The following MGAT4C variants were observed in gnomAD, a reference collection of about 807,000 sequenced individuals.
The protein encoded by MGAT4C is MGAT4 family member C.
Under a neutral mutation model 40.1 loss-of-function variants are expected in MGAT4C, and 19 were observed. That is an observed-to-expected ratio of 0.47 (90% CI 0.33 to 0.70). MGAT4C has a LOEUF of 0.70. Among genes scored for constraint, MGAT4C ranks in the 30% least tolerant of loss-of-function variants. The pLI is 0.02. For missense variants in MGAT4C, 491 were observed against 563.2 expected (o/e 0.87, Z 1.30); for synonymous variants, 181 against 187.1 (o/e 0.97, Z 0.27).
intron 1 of MGAT4C, among the ~76,000 whole-genome samples, chr12:86,073,542 G>A (rs1869031153): frequency 6.6e-6 from 1 of 152,170 alleles, no homozygotes; most frequent in South Asian, 2.1e-4. Context: ...TGAACAAAAT[G>A]CTTATAGTGA....
At chr12:86,770,014 A>G (rs1379849385) in intron 1 of MGAT4C, among the ~76,000 whole-genome samples, 1 of 151,748 alleles carries the variant, frequency 6.6e-6, no homozygotes, top group Non-Finnish European at 1.5e-5. Context: ...AAGTATAATA[A>G]TAATAAAATA....
At chr12:86,641,561 TA>T (rs1963388572) in intron 2 of MGAT4C, among the ~76,000 whole-genome samples, 1 of 151,624 alleles carries the variant, frequency 6.6e-6, no homozygotes, top group South Asian at 2.1e-4. Flanking sequence ...AAAAGAATTC[TA>T]AGGAGAGGTA....
chr12:86,377,856 A>C (rs1955859619), intron 3 of MGAT4C, among the ~76,000 whole-genome samples: 1 of 151,768 alleles, frequency 6.6e-6, no homozygotes, highest in South Asian at 2.1e-4. Context: ...GTAACTCTCC[A>C]TTCTCCCCTT....
chr12:86,078,672 C>G (rs994722096), intron 1 of MGAT4C, among the ~76,000 whole-genome samples: 19 of 152,110 alleles, frequency 1.2e-4, no homozygotes, highest in African/African-American at 4.6e-4. Flanking sequence ...GCCAGGTCAG[C>G]CTTGGTGAGT....
At chr12:86,499,809 A>C (rs1389923958) in intron 2 of MGAT4C, among the ~76,000 whole-genome samples, 1 of 152,012 alleles carries the variant, frequency 6.6e-6, no homozygotes, top group Non-Finnish European at 1.5e-5. Flanking sequence ...GAACAACTAG[A>C]GAAGAGAAAT....
chr12:86,348,836 C>A (rs1052053123), intron 3 of MGAT4C, among the ~76,000 whole-genome samples: 8 of 151,988 alleles, frequency 5.3e-5, no homozygotes, highest in Non-Finnish European at 5.9e-5. Flanking sequence ...TACTTGGAAA[C>A]TTTTAAAAAT....
chr12:85,969,516 G>A lies in MGAT4C; in HGVS notation c.*9773C>T, dbSNP rs1026818991. On this transcript the variant is annotated 3_prime_UTR_variant, in exon 5 of 5. Transcript: ENST00000611864. ...TTCTTTTTGGAATAACAGAAATTAGGTTGTGGTTCAGTGGAATTACAGAAG... is the reference window on the plus strand; with the variant it reads ...TTCTTTTTGGAATAACAGAAATTAGATTGTGGTTCAGTGGAATTACAGAAG... The A allele has an allele frequency of 6.6e-6, 1 of 151,518 alleles. No homozygotes were observed. Among genetic ancestry groups the A allele is most frequent in the African/African-American group, 2.4e-5 (1 of 41,356 alleles). 9.4% of individuals were successfully genotyped at this position (151,518 alleles called of 1,614,324 possible).
intron 2 of MGAT4C, among the ~76,000 whole-genome samples, chr12:86,021,690 TA>T: frequency 6.6e-6 from 1 of 152,100 alleles, no homozygotes; most frequent in East Asian, 1.9e-4. Flanking sequence ...TATACATATG[TA>T]ACAAACCTGC....
At chr12:86,400,108 C>T (rs1051984514) in intron 3 of MGAT4C, among the ~76,000 whole-genome samples, 5 of 152,156 alleles carry the variant, frequency 3.3e-5, no homozygotes, top group African/African-American at 9.7e-5. Context: ...GGAGGACACC[C>T]AGCTGGTATC....
intron 2 of MGAT4C, among the ~76,000 whole-genome samples, chr12:86,637,402 A>C (rs981002224): frequency 5.3e-5 from 8 of 151,944 alleles, no homozygotes. Flanking sequence ...CAATTAATGT[A>C]ACAAAATTCT....
rs987198305 is a variant in MGAT4C at position 86,412,180 on chromosome 12, G to T, written c.-120+22977C>A. On this transcript the variant is annotated intron_variant, in intron 3 of 7. Coordinates refer to the MGAT4C transcript ENST00000548651. ...AGGGCAGTGCAGAGGGAAAACGTGG[G>T]GTTGGAGGCCCCCCACAGATTCCCC... 3.9e-5 allele frequency among the ~76,000 whole-genome samples: 6 copies of T among 152,340 alleles called. No individual in the cohort carries two copies. The South Asian group carries it at 8.3e-4, about 21-fold the overall frequency.
chr12:86,362,973 C>T lies in MGAT4C; in HGVS notation c.-119-28846G>A, dbSNP rs943215722. Reference sequence around the variant, plus strand: ...TGACAAAGGCAAACAATATAAAGACCAAAGGGTCAATTCATTAAGAAGTAA... The same window carrying T: ...TGACAAAGGCAAACAATATAAAGACTAAAGGGTCAATTCATTAAGAAGTAA... On this transcript the variant is annotated intron_variant, in intron 3 of 7. Transcript: ENST00000548651. Among the ~76,000 whole-genome samples, 99 of 150,938 alleles carry T rather than the reference C, an allele frequency of 6.6e-4. 1 individual carries two copies. The highest frequency in any genetic ancestry group is 2.1e-3 in the African/African-American group (85 of 41,032).
At chr12:86,186,803 A>G (rs1027114071) in intron 1 of MGAT4C, among the ~76,000 whole-genome samples, 15 of 152,272 alleles carry the variant, frequency 9.9e-5, no homozygotes, top group African/African-American at 3.4e-4. Context: ...GACCAGTTAC[A>G]TCTAACTGAA....
intron 2 of MGAT4C, among the ~76,000 whole-genome samples, chr12:86,582,311 C>A: frequency 6.6e-6 from 1 of 151,056 alleles, no homozygotes; most frequent in Admixed American, 6.6e-5. Context: ...TGATGAGTAC[C>A]TCCTTTTAAT....
intron 3 of MGAT4C, among the ~76,000 whole-genome samples, chr12:86,412,899 G>T (rs1236269859): frequency 1.3e-5 from 2 of 152,144 alleles, no homozygotes; most frequent in East Asian, 3.9e-4. Flanking sequence ...CCTCCTTGAG[G>T]TTCTCACGAT....
At chr12:86,114,597 A>T (rs994343614) in intron 1 of MGAT4C, among the ~76,000 whole-genome samples, 1 of 151,888 alleles carries the variant, frequency 6.6e-6, no homozygotes, top group African/African-American at 2.4e-5. Context: ...AAATGCTTCA[A>T]TGTATACCAT....
chr12:86,775,098 A>T (rs995534981), intron 1 of MGAT4C, among the ~76,000 whole-genome samples: 21 of 152,208 alleles, frequency 1.4e-4, no homozygotes, highest in African/African-American at 5.1e-4. Context: ...ATTTAGTAAA[A>T]AGAGCCATGA....
At position 85,956,056 on chromosome 12, in the gene MGAT4C, A is replaced by G. The variant is rs1882776800; in HGVS notation, c.*23233T>C. ...TTGGTTTACAGGAAGTCTGATTTTT[A>G]CAAAACTAGATTAATGAAAAATCAC... On this transcript the variant is annotated 3_prime_UTR_variant, in exon 5 of 5. Transcript: ENST00000611864. 6.6e-6 allele frequency: 1 copy of G among 152,198 alleles called. No individual in the cohort carries two copies. Among genetic ancestry groups the G allele is most frequent in the South Asian group, 2.1e-4 (1 of 4,830 alleles). The allele number at this position is 152,198 out of a possible 1,614,324, so 9.4% of individuals were successfully genotyped here.
intron 2 of MGAT4C, among the ~76,000 whole-genome samples, chr12:86,004,585 G>A (rs1887680348): frequency 6.6e-6 from 1 of 152,140 alleles, no homozygotes; most frequent in Non-Finnish European, 1.5e-5. Context: ...TTCAGAACTA[G>A]AGTAGACAAG....
Sources: gnomAD v4.1 joint callset for allele counts (sites outside exome capture counted in the v4.1 genomes callset) on GRCh38, gnomAD v4.1.1 for gene constraint, MANE v1.5 for transcripts, NCBI Gene and HGNC (gene_info 2026-07-23, HGNC 2026-07-21) for gene names.